VAV3: variants seen among roughly 807,000 people sequenced by gnomAD.
VAV3 encodes the protein vav guanine nucleotide exchange factor 3, also known as guanine nucleotide exchange factor VAV3.
In VAV3, 94 loss-of-function variants were observed where a neutral mutation model predicts 131.2. That is an observed-to-expected ratio of 0.72 (90% CI 0.61 to 0.85). The LOEUF (loss-of-function observed/expected upper bound fraction) is 0.85. VAV3 is among the 40% of genes least tolerant of loss of function. The probability of loss-of-function intolerance (pLI) is 0.00; values close to 1 mark genes in which losing one functional copy is unlikely to be tolerated. For synonymous variants in VAV3, 349 were observed against 342.0 expected (o/e 1.02, Z -0.22); for missense variants, 939 against 1,002.7 (o/e 0.94, Z 0.86).
chr1:107,794,715 G>A (rs1467675252), intron 2 of VAV3, among the ~76,000 whole-genome samples: 1 of 152,172 alleles, frequency 6.6e-6, no homozygotes, highest in Non-Finnish European at 1.5e-5. Flanking sequence ...TGGGTCTTGG[G>A]TATTTTGCAA....
chr1:107,800,510 A>T (rs1666777817), intron 2 of VAV3, among the ~76,000 whole-genome samples: 1 of 152,088 alleles, frequency 6.6e-6, no homozygotes, highest in Admixed American at 6.6e-5. Context: ...ATTTTTACTC[A>T]GATATTCTAC....
At chr1:107,799,090 C>T (rs1226235294) in intron 2 of VAV3, among the ~76,000 whole-genome samples, 1 of 152,070 alleles carries the variant, frequency 6.6e-6, no homozygotes, top group East Asian at 1.9e-4. Flanking sequence ...ATTCTTTGAG[C>T]AATCACAACC....
At chr1:107,892,507 T>C (rs1165279624) in intron 1 of VAV3, among the ~76,000 whole-genome samples, 1 of 152,226 alleles carries the variant, frequency 6.6e-6, no homozygotes, top group African/African-American at 2.4e-5. Flanking sequence ...TTTCCTTTTC[T>C]GATTTTTCTA....
chr1:107,923,592 G>C (rs1386977463), intron 1 of VAV3, among the ~76,000 whole-genome samples: 2 of 152,270 alleles, frequency 1.3e-5, no homozygotes, highest in East Asian at 1.9e-4. Flanking sequence ...TACAATCATG[G>C]AGGAAGGTGA....
At chr1:107,667,119 C>T (rs1472804639) in intron 19 of VAV3, among the ~76,000 whole-genome samples, 1 of 152,202 alleles carries the variant, frequency 6.6e-6, no homozygotes, top group Admixed American at 6.5e-5. Context: ...TAGGTTTTAG[C>T]TCACCTTCTA....
intron 15 of VAV3, among the ~76,000 whole-genome samples, chr1:107,725,350 T>C (rs1455870718): frequency 1.3e-5 from 2 of 152,112 alleles, no homozygotes; most frequent in Non-Finnish European, 2.9e-5. Context: ...ATCAAGAAGA[T>C]TGCTGATCCT....
rs866673418 is a variant in VAV3, at chr1:107,906,825, G to A, written c.205-31808C>T. On this transcript the variant is annotated intron_variant, in intron 1 of 26. Coordinates refer to ENST00000370056, the MANE Select transcript of VAV3 (RefSeq NM_006113.5). Reference sequence around the variant, plus strand: ...GGGTGAGAAGGAAGAAGGAAAGAAGGAAGTGTAAAATGAAAGAGGTAAAGT... The same window carrying A: ...GGGTGAGAAGGAAGAAGGAAAGAAGAAAGTGTAAAATGAAAGAGGTAAAGT... Among the ~76,000 whole-genome samples, 242 of 152,234 alleles carry A rather than the reference G, an allele frequency of 1.6e-3. 2 individuals are homozygous for A. In the Middle Eastern group the frequency reaches 0.027, roughly 17 times the overall value.
chr1:107,779,352 T>A, intron 3 of VAV3, 82 bp downstream of exon 3: 1 of 1,288,658 alleles, frequency 7.8e-7, no homozygotes, highest in East Asian at 2.6e-5. Flanking sequence ...GTGTGCAAGA[T>A]GCTTCACAAA....
chr1:107,875,681 A>C (rs765324782), intron 1 of VAV3, among the ~76,000 whole-genome samples: 1 of 152,172 alleles, frequency 6.6e-6, no homozygotes, highest in Non-Finnish European at 1.5e-5. Context: ...AGGTCATTGG[A>C]GGCCTTGGCC....
chr1:107,910,807 C>A (rs1221006796), intron 1 of VAV3, among the ~76,000 whole-genome samples: 1 of 151,948 alleles, frequency 6.6e-6, no homozygotes, highest in African/African-American at 2.4e-5. Context: ...TAGCAAAACC[C>A]CATCTCTACT....
At chr1:107,832,428 C>CT (rs1485646127) in intron 2 of VAV3, among the ~76,000 whole-genome samples, 3 of 152,186 alleles carry the variant, frequency 2.0e-5, no homozygotes, top group Non-Finnish European at 4.4e-5. Context: ...TGGACCGGGT[C>CT]TTTAACAGTC....
intron 1 of VAV3, among the ~76,000 whole-genome samples, chr1:107,905,141 C>T (rs979903994): frequency 6.6e-6 from 1 of 152,142 alleles, no homozygotes; most frequent in Admixed American, 6.5e-5. Flanking sequence ...TGGCATCTGG[C>T]AAGAATGAGA....
chr1:107,736,690 C>A (rs1662659237), intron 15 of VAV3, among the ~76,000 whole-genome samples: 1 of 151,618 alleles, frequency 6.6e-6, no homozygotes, highest in Admixed American at 6.5e-5. Flanking sequence ...AACCACTGCT[C>A]AACGAAATAA....
At chr1:107,648,335 T>C (rs568842589) in intron 19 of VAV3, among the ~76,000 whole-genome samples, 2 of 152,168 alleles carry the variant, frequency 1.3e-5, no homozygotes, top group African/African-American at 4.8e-5. Flanking sequence ...GATATGATAA[T>C]GTCTTTGGAA....
intron 2 of VAV3, among the ~76,000 whole-genome samples, chr1:107,825,104 C>T (rs1398278031): frequency 6.6e-6 from 1 of 152,190 alleles, no homozygotes; most frequent in African/African-American, 2.4e-5. Context: ...GGCTGCCTTT[C>T]TACCACAATA....
At chr1:107,662,943 T>G (rs1178104181) in intron 19 of VAV3, among the ~76,000 whole-genome samples, 1 of 152,222 alleles carries the variant, frequency 6.6e-6, no homozygotes, top group Non-Finnish European at 1.5e-5. Flanking sequence ...CATCGACTTC[T>G]CGGGCTGCTC....
At chr1:107,869,706 A>G (rs1670166908) in intron 2 of VAV3, among the ~76,000 whole-genome samples, 1 of 152,174 alleles carries the variant, frequency 6.6e-6, no homozygotes, top group African/African-American at 2.4e-5. Flanking sequence ...TTACATGAGT[A>G]AGTTATTTAG....
chr1:107,595,231 T>C (rs994493008), intron 25 of VAV3, among the ~76,000 whole-genome samples: 1 of 152,154 alleles, frequency 6.6e-6, no homozygotes, highest in Non-Finnish European at 1.5e-5. Flanking sequence ...TATATTAAGT[T>C]ACTTAAATAA....
intron 15 of VAV3, among the ~76,000 whole-genome samples, chr1:107,719,249 C>T (rs905507866): frequency 1.6e-4 from 25 of 152,180 alleles, no homozygotes; most frequent in Admixed American, 3.3e-4. Flanking sequence ...GCAAAAGAAA[C>T]TGCCATCAGA....
Sources: allele counts gnomAD v4.1 joint callset (sites outside exome capture counted in the v4.1 genomes callset), GRCh38; gene constraint gnomAD v4.1.1; transcripts MANE v1.5; gene names NCBI Gene and HGNC (gene_info 2026-07-23, HGNC 2026-07-21).